Variants in OPRM1 observed in about 807,000 individuals in gnomAD.
The protein encoded by OPRM1 is mu-type opioid receptor.
OPRM1 carries 27 observed loss-of-function variants against 31.8 expected under a neutral mutation model. That is an observed-to-expected ratio of 0.85 (90% CI 0.63 to 1.17). OPRM1 has a LOEUF of 1.17. Ranked by LOEUF, OPRM1 falls within the 50% of genes most tolerant of loss-of-function variation. The probability of loss-of-function intolerance (pLI) is 0.00; values close to 1 mark genes in which losing one functional copy is unlikely to be tolerated. For synonymous variants in OPRM1, 196 were observed against 189.9 expected (o/e 1.03, Z -0.26); for missense variants, 536 against 511.1 (o/e 1.05, Z -0.47).
chr6:154,039,264 C>A lies in OPRM1; in HGVS notation c.-281C>A, dbSNP rs1247954412. 6.4e-7 allele frequency: 1 copy of A among 1,551,708 alleles called. No homozygotes were observed. Among genetic ancestry groups the A allele is most frequent in the Non-Finnish European group, 8.7e-7 (1 of 1,146,978 alleles). On this transcript the variant is annotated 5_prime_UTR_variant, in exon 1 of 4. Coordinates refer to ENST00000330432, the MANE Select transcript of OPRM1 (RefSeq NM_000914.5). ...CCTCCCTCCCTTCCAGCCTCCGAAT[C>A]CCGCATGGCCCACGCTCCCCTCCTG...
intron 3 of OPRM1, among the ~76,000 whole-genome samples, chr6:154,227,216 C>A (rs970470976): frequency 3.3e-5 from 5 of 150,824 alleles, no homozygotes; most frequent in African/African-American, 4.9e-5. Flanking sequence ...AACAAACAAA[C>A]AAAAAAATTA....
chr6:154,102,078 T>C (rs1360716872), intron 3 of OPRM1, among the ~76,000 whole-genome samples: 2 of 152,078 alleles, frequency 1.3e-5, no homozygotes, highest in Non-Finnish European at 2.9e-5. Flanking sequence ...TAGCTAAAAC[T>C]ATGGGCACAC....
At chr6:154,066,380 A>G (rs895336945) in intron 1 of OPRM1, among the ~76,000 whole-genome samples, 1 of 152,128 alleles carries the variant, frequency 6.6e-6, no homozygotes, top group Non-Finnish European at 1.5e-5. Context: ...ACAATTCACC[A>G]ATGAAGCCAT....
At position 154,091,061 on chromosome 6, in the gene OPRM1, C is replaced by G. The variant is rs762355741; in HGVS notation, c.753C>G (p.Thr251=). 1 of 1,614,096 alleles carries G rather than the reference C, an allele frequency of 6.2e-7. No homozygotes were observed. Among genetic ancestry groups the G allele is most frequent in the Non-Finnish European group, 8.5e-7 (1 of 1,179,996 alleles). Residue 251 remains threonine (T), a synonymous_variant, in exon 3 of 4, where the codon ACC becomes ACG. Coordinates refer to ENST00000330432, the MANE Select transcript of OPRM1 (RefSeq NM_000914.5). ...FAFIMPVLII[T]VCYGLMILRL... Reference sequence around the variant, plus strand: ...TCATTATGCCAGTGCTCATCATTACCGTGTGCTATGGACTGATGATCTTGC... The same window carrying G: ...TCATTATGCCAGTGCTCATCATTACGGTGTGCTATGGACTGATGATCTTGC...
At chr6:154,215,792 T>C (rs1433162413) in intron 3 of OPRM1, among the ~76,000 whole-genome samples, 7 of 151,996 alleles carry the variant, frequency 4.6e-5, no homozygotes, top group Middle Eastern at 3.4e-3. Flanking sequence ...AAAATGTATA[T>C]CAAGTCTCAA....
intron 1 of OPRM1, among the ~76,000 whole-genome samples, chr6:154,053,178 TTAAG>T (rs1333131158): frequency 6.6e-6 from 1 of 152,220 alleles, no homozygotes; most frequent in Non-Finnish European, 1.5e-5. Flanking sequence ...TGTGGTTATC[TTAAG>T]TAAGTGCAGT....
intron 1 of OPRM1, among the ~76,000 whole-genome samples, chr6:154,014,778 A>G (rs905488573): frequency 2.6e-5 from 4 of 152,168 alleles, no homozygotes; most frequent in African/African-American, 9.6e-5. Context: ...CCATGCAGAA[A>G]TGAAATTAAA....
chr6:154,050,635 G>T (rs1370272251), intron 1 of OPRM1, among the ~76,000 whole-genome samples: 2 of 151,896 alleles, frequency 1.3e-5, no homozygotes, highest in Non-Finnish European at 2.9e-5. Flanking sequence ...GGGCTGGGAG[G>T]AGGTGGGGAT....
chr6:154,118,405 T>C (rs1273379243), intron 3 of OPRM1, among the ~76,000 whole-genome samples: 5 of 151,968 alleles, frequency 3.3e-5, no homozygotes, highest in South Asian at 2.1e-4. Flanking sequence ...AATGTATTTT[T>C]TCAAGGAAAT....
intron 3 of OPRM1, among the ~76,000 whole-genome samples, chr6:154,138,501 C>T (rs1028961448): frequency 6.6e-6 from 1 of 152,102 alleles, no homozygotes; most frequent in Non-Finnish European, 1.5e-5. Flanking sequence ...CTGGGTTGAG[C>T]ATATGGAAGG....
At chr6:154,141,763 T>C (rs572493015) in intron 3 of OPRM1, among the ~76,000 whole-genome samples, 1 of 152,336 alleles carries the variant, frequency 6.6e-6, no homozygotes, top group South Asian at 2.1e-4. Flanking sequence ...TTCCGATTGG[T>C]CTTTCCAAAG....
At chr6:154,235,756 A>G (rs540275985) in intron 3 of OPRM1, among the ~76,000 whole-genome samples, 1 of 152,310 alleles carries the variant, frequency 6.6e-6, no homozygotes, top group Non-Finnish European at 1.5e-5. Flanking sequence ...ATTTCTCCCA[A>G]GAAGATATGG....
intron 3 of OPRM1, among the ~76,000 whole-genome samples, chr6:154,189,514 TAG>T (rs1390085518): frequency 7.9e-5 from 12 of 152,092 alleles, no homozygotes; most frequent in African/African-American, 2.4e-4. Context: ...ACTTAATAAA[TAG>T]AGAGACTATA....
At chr6:154,091,509 A>T (rs141492794) in intron 3 of OPRM1, 37 bp downstream of exon 3, 2 of 1,566,778 alleles carry the variant, frequency 1.3e-6, no homozygotes, top group African/African-American at 2.7e-5. Flanking sequence ...TCTACTGGGG[A>T]TGACATAAAA....
At chr6:154,070,679 C>G (rs939295631) in intron 1 of OPRM1, among the ~76,000 whole-genome samples, 1 of 152,206 alleles carries the variant, frequency 6.6e-6, no homozygotes, top group African/African-American at 2.4e-5. Context: ...TGACTAACAT[C>G]ACAGACACAG....
chr6:154,181,972 A>C (rs1399331843), intron 3 of OPRM1, among the ~76,000 whole-genome samples: 1 of 152,200 alleles, frequency 6.6e-6, no homozygotes, highest in Admixed American at 6.5e-5. Context: ...CTAGTTGGGA[A>C]AGGTGAGGCG....
intron 3 of OPRM1, chr6:154,110,305 A>G: frequency 1.1e-6 from 1 of 919,744 alleles, no homozygotes; most frequent in Non-Finnish European, 1.7e-6. Flanking sequence ...GCTAAGAATA[A>G]GCATTATAAT....
Position 154,118,811 on chromosome 6 carries a change from A to G in OPRM1, c.*90A>G. 6.4e-7 allele frequency: 1 copy of G among 1,572,592 alleles called. No homozygotes were observed. Among genetic ancestry groups the G allele is most frequent in the East Asian group, 2.2e-5 (1 of 44,466 alleles). On this transcript the variant is annotated 3_prime_UTR_variant, in exon 4 of 4. Transcript: ENST00000330432. ...GCTTCAAGAATGTGTAGGAGGCTCT[A>G]ATTCTCTAGGAAAGTGCCTGCTTTT...
At chr6:154,041,729 C>A (rs1195384999) in intron 1 of OPRM1, among the ~76,000 whole-genome samples, 2 of 151,782 alleles carry the variant, frequency 1.3e-5, no homozygotes, top group African/African-American at 4.8e-5. Flanking sequence ...TTGGGAATAA[C>A]AAATTATCCC....
Sources: gnomAD v4.1 joint callset for allele counts (sites outside exome capture counted in the v4.1 genomes callset) on GRCh38, gnomAD v4.1.1 for gene constraint, MANE v1.5 for transcripts, NCBI Gene and HGNC (gene_info 2026-07-23, HGNC 2026-07-21) for gene names.